SLC12A6: variants seen among roughly 807,000 people sequenced by gnomAD.
SLC12A6 encodes the protein K-Cl cotransporter 3.
In SLC12A6, 66 loss-of-function variants were observed where a neutral mutation model predicts 135.3. That is an observed-to-expected ratio of 0.49 (90% CI 0.40 to 0.60). The LOEUF (loss-of-function observed/expected upper bound fraction) is 0.60. Among genes scored for constraint, SLC12A6 ranks in the 20% least tolerant of loss-of-function variants. SLC12A6 has a pLI of 0.00. For missense variants in SLC12A6, 1,058 were observed against 1,452.3 expected, an observed-to-expected ratio of 0.73 and a Z score of 4.41; for synonymous variants, 513 against 508.8, an observed-to-expected ratio of 1.01 and a Z score of -0.11.
chr15:34,238,659 A>C (rs143098914), intron 20 of SLC12A6: 1 of 598,712 alleles, frequency 1.7e-6, no homozygotes, highest in Non-Finnish European at 3.0e-6. Context: ...TTGAGAGATT[A>C]TGATGCTGAA....
At chr15:34,311,541 T>C (rs1390420671) in intron 2 of SLC12A6, among the ~76,000 whole-genome samples, 1 of 152,188 alleles carries the variant, frequency 6.6e-6, no homozygotes, top group Non-Finnish European at 1.5e-5. Flanking sequence ...TTCTTATTAG[T>C]AAAAAGCTAG....
chr15:34,272,260 CG>C (rs983738944), intron 3 of SLC12A6, among the ~76,000 whole-genome samples: 1 of 152,222 alleles, frequency 6.6e-6, no homozygotes, highest in African/African-American at 2.4e-5. Flanking sequence ...TGGTGAACCA[CG>C]GCGCCTGGTT....
chr15:34,336,738 G>A lies in SLC12A6; in HGVS notation c.-58C>T. 1 of 1,412,952 alleles carries A rather than the reference G, an allele frequency of 7.1e-7. No homozygotes were observed. Among genetic ancestry groups the A allele is most frequent in the Non-Finnish European group, 1.0e-6 (1 of 997,012 alleles). 87.5% of individuals were successfully genotyped at this position (1,412,952 alleles called of 1,614,324 possible). ...GAACCTCGCAAAATCTTCCTCTTAC[G>A]CTAGCTACTTTTGACTGCAATACAA... On this transcript the variant is annotated 5_prime_UTR_variant, in exon 2 of 26. Coordinates refer to ENST00000354181, the MANE Select transcript of SLC12A6 (RefSeq NM_001365088.1).
intron 2 of SLC12A6, among the ~76,000 whole-genome samples, chr15:34,283,756 AT>A (rs11291463): frequency 0.041 from 6,078 of 148,104 alleles, 223 homozygotes; most frequent in African/African-American, 0.1. Context: ...AAAGGTTAGC[AT>A]TTTTTTTTTT....
chr15:34,274,531 A>G (rs183870047), intron 3 of SLC12A6, among the ~76,000 whole-genome samples: 191 of 152,160 alleles, frequency 1.3e-3, no homozygotes, highest in African/African-American at 4.4e-3. Flanking sequence ...AATTCCTGTC[A>G]AGGCCGGGTG....
intron 2 of SLC12A6, among the ~76,000 whole-genome samples, chr15:34,329,431 A>C (rs1020759002): frequency 6.6e-6 from 1 of 152,360 alleles, no homozygotes; most frequent in South Asian, 2.1e-4. Context: ...AAAATGGGAA[A>C]GCATAACTTT....
chr15:34,262,640 G>A (rs1016625129), intron 3 of SLC12A6, among the ~76,000 whole-genome samples: 2 of 152,160 alleles, frequency 1.3e-5, no homozygotes, highest in Non-Finnish European at 2.9e-5. Context: ...CAGATGGTGG[G>A]ACTAAAAGAG....
chr15:34,329,982 T>C (rs1889728667), intron 2 of SLC12A6, among the ~76,000 whole-genome samples: 2 of 152,224 alleles, frequency 1.3e-5, no homozygotes, highest in African/African-American at 4.8e-5. Flanking sequence ...CTGTAAATAC[T>C]TCAATATATA....
chr15:34,249,414 A>C (rs924963689), intron 13 of SLC12A6, among the ~76,000 whole-genome samples: 7 of 152,036 alleles, frequency 4.6e-5, no homozygotes, highest in African/African-American at 1.7e-4. Flanking sequence ...ATTAAAAAAA[A>C]CTACTAGCTG....
At chr15:34,285,710 G>A (rs1228758495) in intron 2 of SLC12A6, among the ~76,000 whole-genome samples, 39 of 31,090 alleles carry the variant, frequency 1.3e-3, no homozygotes, top group South Asian at 1.7e-3. Context: ...GTGTGTGTGT[G>A]TGTTTGTCAT....
intron 4 of SLC12A6, among the ~76,000 whole-genome samples, chr15:34,259,459 G>C (rs539148679): frequency 1.3e-5 from 2 of 152,236 alleles, no homozygotes; most frequent in South Asian, 2.1e-4. Flanking sequence ...AGACCAGCCT[G>C]GGCAACAGAG....
chr15:34,336,559 G>T lies in SLC12A6; in HGVS notation c.122C>A (p.Ser41Tyr), dbSNP rs1890211964. 6.2e-7 allele frequency: 1 copy of T among 1,613,876 alleles called. No individual in the cohort carries two copies. Among genetic ancestry groups the T allele is most frequent in the Non-Finnish European group, 8.5e-7 (1 of 1,179,970 alleles). The change falls in exon 2 of 26, where the codon TCC (serine) becomes TAC (tyrosine). Residue 41 changes from serine to tyrosine, a missense_variant. Coordinates refer to ENST00000354181, the MANE Select transcript of SLC12A6 (RefSeq NM_001365088.1). The part of the protein sequence containing the change: ...TSPDLSSRSS[S>Y]RVRFSSRESV... ...TTCCCGGGAGCTAAATCTTACTCGG[G>T]AACTAGATCGAGAGCTGAGGTCCGG...
chr15:34,303,073 G>A (rs1248165175), intron 2 of SLC12A6, among the ~76,000 whole-genome samples: 1 of 151,568 alleles, frequency 6.6e-6, no homozygotes, highest in Non-Finnish European at 1.5e-5. Context: ...AGATGGTTTT[G>A]GAAAAATAAA....
chr15:34,238,245 A>T lies in SLC12A6; in HGVS notation c.2789T>A (p.Leu930Gln), dbSNP rs2140649364. 1 of 1,612,764 alleles carries T rather than the reference A, an allele frequency of 6.2e-7. No homozygotes were observed. The highest frequency in any genetic ancestry group is 1.7e-5 in the Admixed American group (1 of 60,026). Residue 930 changes from leucine to glutamine, a missense_variant, in exon 21 of 26, where the codon CTG becomes CAG. Leu to Gln is a moderately radical substitution (Grantham distance 113). Coordinates refer to ENST00000354181, the MANE Select transcript of SLC12A6 (RefSeq NM_001365088.1). ...TGTATAAAATACCTTGTGCTGTTTC[A>T]GTAGGAATGGTAGTAGCATAAGCAT... is the stretch of plus-strand genomic sequence containing the variant. ...GGMLMLLPFL[L>Q]KQHKVWRKCS...
intron 2 of SLC12A6, among the ~76,000 whole-genome samples, chr15:34,291,359 T>C (rs1037230198): frequency 1.3e-5 from 2 of 152,238 alleles, no homozygotes; most frequent in Admixed American, 6.5e-5. Flanking sequence ...GCACTGTTAG[T>C]CTGATGGGTT....
At chr15:34,255,835 GGT>G (rs1187540312) in intron 7 of SLC12A6, among the ~76,000 whole-genome samples, 3 of 151,760 alleles carry the variant, frequency 2.0e-5, no homozygotes, top group Non-Finnish European at 4.4e-5. Flanking sequence ...CAGGCATAGT[GGT>G]GTACACCTCT....
Position 34,250,969 on chromosome 15 carries a change from A to G in SLC12A6, c.1422T>C (p.His474=), listed in dbSNP as rs1222828261. The change falls in exon 11 of 26, where the codon CAT becomes CAC. Residue 474 remains histidine (H), a synonymous_variant. Coordinates refer to ENST00000354181, the MANE Select transcript of SLC12A6 (RefSeq NM_001365088.1). ...KSSDVLGSLN[H]EYVLVDITTS... ...TGGTGATGTCAACAAGAACATATTC[A>G]TGGTTTAAGCTGCCTAAGACATCAG... The G allele has an allele frequency of 6.2e-7, 1 of 1,611,690 alleles. No individual in the cohort carries two copies. Among genetic ancestry groups the G allele is most frequent in the East Asian group, 2.2e-5 (1 of 44,880 alleles).
At chr15:34,268,977 C>T (rs1893718577) in intron 3 of SLC12A6, among the ~76,000 whole-genome samples, 2 of 152,092 alleles carry the variant, frequency 1.3e-5, no homozygotes, top group Non-Finnish European at 2.9e-5. Context: ...CTACCTCAGC[C>T]TCCCGAGTAG....
intron 6 of SLC12A6, among the ~76,000 whole-genome samples, chr15:34,257,001 C>T (rs1369879124): frequency 6.6e-6 from 1 of 152,140 alleles, no homozygotes; most frequent in Admixed American, 6.5e-5. Flanking sequence ...AAAATATGAA[C>T]TGTGCCTGCT....
Sources: gnomAD v4.1 joint callset for allele counts (sites outside exome capture counted in the v4.1 genomes callset) on GRCh38, gnomAD v4.1.1 for gene constraint, MANE v1.5 for transcripts, NCBI Gene and HGNC (gene_info 2026-07-23, HGNC 2026-07-21) for gene names.